Variants in CFAP46 observed in about 807,000 individuals in gnomAD.
CFAP46 encodes the protein cilia- and flagella-associated protein 46.
CFAP46 carries 245 observed loss-of-function variants against 325.7 expected under a neutral mutation model. The observed-to-expected ratio is 0.75, with a 90% CI of 0.68 to 0.84. The LOEUF is 0.84. CFAP46 is among the 40% of genes least tolerant of loss of function. The probability of loss-of-function intolerance (pLI) is 0.00; values close to 1 mark genes in which losing one functional copy is unlikely to be tolerated. For synonymous variants in CFAP46, 1,523 were observed against 1,495.9 expected (o/e 1.02, Z -0.42); for missense variants, 3,346 against 3,543.0 (o/e 0.94, Z 1.41).
At chr10:132,820,772 T>A (rs1847786506) in intron 50 of CFAP46, among the ~76,000 whole-genome samples, 2 of 128,838 alleles carry the variant, frequency 1.6e-5, no homozygotes, top group South Asian at 3.1e-4. Flanking sequence ...GTGCTGTGTG[T>A]GCGCTGATGC....
chr10:132,834,667 G>A lies in CFAP46; in HGVS notation c.6853C>T (p.Leu2285Phe). The A allele has an allele frequency of 6.2e-7, 1 of 1,613,418 alleles. No individual in the cohort carries two copies. Residue 2285 changes from leucine to phenylalanine, a missense_variant, in exon 48 of 58, where the codon CTC becomes TTC. Physicochemically the swap from Leu to Phe is conservative, Grantham distance 22 (BLOSUM62 0). Transcript: ENST00000368586. ...CATCCCCAGTACCTGGCCTTGGAGA[G>A]GCTGAGCAGGGGGAATAGCGGCTGC... The part of the protein sequence containing the change: ...LLQPLFPLLS[L>F]SKARVQTPAV...
At chr10:132,825,069 CTG>C (rs796916028) in intron 50 of CFAP46, among the ~76,000 whole-genome samples, 5 of 133,746 alleles carry the variant, frequency 3.7e-5, no homozygotes, top group African/African-American at 5.9e-5. Context: ...CTGATGTGTG[CTG>C]TGTGTGCGCT....
chr10:132,820,761 T>TGTGCTGTGTGTGCGCTGATGC (rs1847786308), intron 50 of CFAP46, among the ~76,000 whole-genome samples: 1 of 133,284 alleles, frequency 7.5e-6, no homozygotes, highest in African/African-American at 2.7e-5. Context: ...TGTGCTGATG[T>TGTGCTGTGTGTGCGCTGATGC]GTGCTGTGTG....
intron 2 of CFAP46, 70 bp from the exon 3 acceptor site, chr10:132,941,792 G>A (rs1850106925): frequency 2.5e-6 from 4 of 1,601,458 alleles, no homozygotes; most frequent in Admixed American, 3.4e-5. Flanking sequence ...AAGCACCACG[G>A]GCCCGCTTTC....
chr10:132,904,580 A>G (rs994911197), intron 22 of CFAP46, among the ~76,000 whole-genome samples: 2 of 152,260 alleles, frequency 1.3e-5, no homozygotes, highest in African/African-American at 4.8e-5. Flanking sequence ...TTTTAAGTCA[A>G]TTTACACAGC....
chr10:132,835,337 C>A lies in CFAP46; in HGVS notation c.6711G>T (p.Val2237=). 2 of 1,613,584 alleles carry A rather than the reference C, an allele frequency of 1.2e-6. No individual in the cohort carries two copies. Among genetic ancestry groups the A allele is most frequent in the Non-Finnish European group, 1.7e-6 (2 of 1,179,934 alleles). The change falls in exon 47 of 58, where the codon GTG becomes GTT. Residue 2237 remains valine (V), a synonymous_variant. Transcript: ENST00000368586. Reference sequence around the variant, plus strand: ...TGTTCAGGGCCATGTCCTCACTGTACACCTGGGCCTGGGTCTGCTTCCGGA... The same window carrying A: ...TGTTCAGGGCCATGTCCTCACTGTAAACCTGGGCCTGGGTCTGCTTCCGGA... ...QQFRKQTQAQ[V]YSEDMALNIG... is the part of the protein sequence containing the mutation.
rs567345424 is a variant in CFAP46, at chr10:132,851,321, A to C, written c.5575-16T>G. ...CGTTCTGCAACTGAGGGGGTCAGGC[A>C]TGCCTCTGAAGCATGGAAGCTTCTG... On this transcript the variant is annotated splice_polypyrimidine_tract_variant and intron_variant, in intron 39 of 57. Coordinates refer to ENST00000368586, the MANE Select transcript of CFAP46 (RefSeq NM_001200049.3). 2.5e-6 allele frequency: 4 copies of C among 1,610,580 alleles called. No homozygotes were observed. In the South Asian group the frequency reaches 4.4e-5, roughly 18 times the overall value.
chr10:132,924,632 C>T (rs962877279), intron 11 of CFAP46, 64 bp downstream of exon 11: 2 of 1,368,950 alleles, frequency 1.5e-6, no homozygotes, highest in African/African-American at 1.5e-5. Context: ...CCACCTTCTC[C>T]TCCTCTGTCT....
rs971712478 is a variant in CFAP46, at chr10:132,922,591, C to A, written c.1374G>T (p.Leu458=). 18 of 1,549,050 alleles carry A rather than the reference C, an allele frequency of 1.2e-5. No homozygotes were observed. Among genetic ancestry groups the A allele is most frequent in the Admixed American group, 2.0e-5 (1 of 51,006 alleles). The change falls in exon 12 of 58, where the codon CTG becomes CTT. Residue 458 remains leucine, a synonymous_variant. Transcript: ENST00000368586. The part of the protein sequence containing the change: ...HLRKAARLDS[L]GLYRDRIQMA... ...TCTGGATCCTGTCCCGGTAGAGGCC[C>A]AGGCTGTCCAGGCGCGCGGCTTTCC...
Position 132,880,855 on chromosome 10 carries a change from G to A in CFAP46, c.3799+6C>T, listed in dbSNP as rs942025873. On this transcript the variant is annotated splice_donor_region_variant and intron_variant, in intron 28 of 57. Transcript: ENST00000368586. ...GGTCGGCACCCTGCCAGCGGCGTGG[G>A]CTCACCATCCGGCGTGGGCTGTGGC... 1.3e-6 allele frequency: 2 copies of A among 1,545,034 alleles called. No individual in the cohort carries two copies. Among genetic ancestry groups the A allele is most frequent in the South Asian group, 1.2e-5 (1 of 83,962 alleles).
At chr10:132,934,993 T>G in intron 7 of CFAP46, 131 bp from the exon 8 acceptor site, 1 of 680,898 alleles carries the variant, frequency 1.5e-6, no homozygotes, top group Non-Finnish European at 2.6e-6. Flanking sequence ...CCCTCCTGCC[T>G]TCTTTCCTCA....
intron 17 of CFAP46, 105 bp from the exon 18 acceptor site, chr10:132,913,363 A>AT: frequency 5.6e-6 from 2 of 357,598 alleles, no homozygotes; most frequent in Non-Finnish European, 5.6e-6. Context: ...CAGGGCAAGA[A>AT]GTGGGAGGGG....
chr10:132,927,339 C>T (rs1047930991), intron 9 of CFAP46, among the ~76,000 whole-genome samples: 5 of 151,524 alleles, frequency 3.3e-5, no homozygotes, highest in Admixed American at 6.6e-5. Context: ...GCCTCCGTCC[C>T]GGGGAGCAGG....
chr10:132,916,585 T>C lies in CFAP46; in HGVS notation c.2084A>G (p.Glu695Gly). The C allele has an allele frequency of 6.5e-7, 1 of 1,547,558 alleles. No homozygotes were observed. ...LSQHPAGYVP[E>G]PPEVNAEWIT... ...CCACTCAGCATTCACCTCCGGGGGC[T>C]CAGGCACGTAGCCAGCTGGGTGCTG... Residue 695 changes from glutamate (E) to glycine (G), a missense_variant, in exon 17 of 58, where the codon GAG becomes GGG. Transcript: ENST00000368586.
chr10:132,831,462 A>C (rs929712638), intron 50 of CFAP46, among the ~76,000 whole-genome samples: 1 of 152,096 alleles, frequency 6.6e-6, no homozygotes, highest in Non-Finnish European at 1.5e-5. Flanking sequence ...CATCCTCTTC[A>C]TGAATTAGCC....
intron 57 of CFAP46, among the ~76,000 whole-genome samples, chr10:132,810,127 G>C (rs887224116): frequency 6.6e-6 from 1 of 152,226 alleles, no homozygotes. Context: ...ACGAGGAACC[G>C]TGATGCTTTC....
At chr10:132,890,243 G>A (rs1849235951) in intron 25 of CFAP46, among the ~76,000 whole-genome samples, 1 of 152,058 alleles carries the variant, frequency 6.6e-6, no homozygotes, top group South Asian at 2.1e-4. Flanking sequence ...TCCTCTGCCC[G>A]AGCCACGTAC....
At chr10:132,810,561 C>T in intron 56 of CFAP46, 72 bp from the exon 57 acceptor site, 1 of 1,384,216 alleles carries the variant, frequency 7.2e-7, no homozygotes, top group South Asian at 1.2e-5. Context: ...CGGGACAGGC[C>T]CGGGATGCCA....
At chr10:132,936,599 G>A (rs1297790056) in intron 7 of CFAP46, among the ~76,000 whole-genome samples, 1 of 139,612 alleles carries the variant, frequency 7.2e-6, no homozygotes, top group Non-Finnish European at 1.6e-5. Flanking sequence ...AATACACTGT[G>A]ATCTCCTCAC....
Sources: gnomAD v4.1 joint callset for allele counts (sites outside exome capture counted in the v4.1 genomes callset) on GRCh38, gnomAD v4.1.1 for gene constraint, MANE v1.5 for transcripts, NCBI Gene and HGNC (gene_info 2026-07-23, HGNC 2026-07-21) for gene names.